Variants in POLDIP3 observed in about 807,000 individuals in gnomAD.
POLDIP3 encodes the protein DNA polymerase delta interacting protein 3, also known as polymerase delta-interacting protein 3.
A neutral mutation model predicts 45.1 loss-of-function variants in POLDIP3; 14 were observed. The observed-to-expected ratio is 0.31, with a 90% CI of 0.20 to 0.49. POLDIP3 has a LOEUF of 0.49. Ranked by LOEUF, POLDIP3 falls within the 20% of genes least tolerant of loss-of-function variation. POLDIP3 has a pLI of 0.99. For missense variants in POLDIP3, 511 were observed against 538.8 expected, an observed-to-expected ratio of 0.95 and a Z score of 0.51; for synonymous variants, 223 against 205.2, an observed-to-expected ratio of 1.09 and a Z score of -0.74.
chr22:42,585,146 G>C lies in POLDIP3; in HGVS notation c.*645C>G, dbSNP rs1449981317. 2.2e-6 allele frequency: 1 copy of C among 445,956 alleles called. No homozygotes were observed. Among genetic ancestry groups the C allele is most frequent in the Non-Finnish European group, 4.5e-6 (1 of 222,548 alleles). The allele number at this position is 445,956 out of a possible 1,614,324, so 27.6% of individuals were successfully genotyped here. ...CTTCCTCTGGGTGGAGACGACACGGGACTCCAAGCCAAGAGCTTAGATAGA... is the reference window on the plus strand; with the variant it reads ...CTTCCTCTGGGTGGAGACGACACGGCACTCCAAGCCAAGAGCTTAGATAGA... On this transcript the variant is annotated 3_prime_UTR_variant, in exon 9 of 9. Coordinates refer to ENST00000252115, the MANE Select transcript of POLDIP3 (RefSeq NM_032311.5).
intron 1 of POLDIP3, among the ~76,000 whole-genome samples, chr22:42,607,704 G>A (rs2146832423): frequency 6.6e-6 from 1 of 151,104 alleles, no homozygotes; most frequent in South Asian, 2.1e-4. Context: ...GATGTGGGGA[G>A]AGCCTCTGCC....
chr22:42,589,733 A>G (rs1198921953), intron 7 of POLDIP3, among the ~76,000 whole-genome samples: 2 of 151,942 alleles, frequency 1.3e-5, no homozygotes, highest in Non-Finnish European at 2.9e-5. Flanking sequence ...AATCCCAGCT[A>G]CTTGGGAGGC....
intron 1 of POLDIP3, among the ~76,000 whole-genome samples, chr22:42,604,283 T>G (rs1314721714): frequency 6.6e-6 from 1 of 152,022 alleles, no homozygotes; most frequent in African/African-American, 2.4e-5. Context: ...CTACCCTGGG[T>G]GGGGCGGGGG....
intron 1 of POLDIP3, among the ~76,000 whole-genome samples, chr22:42,608,349 G>A (rs1176188366): frequency 2.7e-5 from 4 of 149,046 alleles, no homozygotes; most frequent in African/African-American, 7.6e-5. Flanking sequence ...ACTAAGCCCA[G>A]GAGGTCCAGG....
At position 42,592,962 on chromosome 22, in the gene POLDIP3, G is replaced by A. The variant is rs149588973; in HGVS notation, c.892-878C>T. Among the ~76,000 whole-genome samples the A allele has an allele frequency of 2.4e-3, 361 of 152,292 alleles. 2 individuals are homozygous for A. Among genetic ancestry groups the A allele is most frequent in the African/African-American group, 8.1e-3 (337 of 41,568 alleles). On this transcript the variant is annotated intron_variant, in intron 6 of 8. Coordinates refer to ENST00000252115, the MANE Select transcript of POLDIP3 (RefSeq NM_032311.5). ...GTCCTTGACATGGTTTGTTTTTAAT[G>A]GTAAATATCAAAACAAGATGCCCCT...
At chr22:42,586,340 G>GT (rs137089) in intron 8 of POLDIP3, among the ~76,000 whole-genome samples, 48,426 of 151,724 alleles carry the variant, frequency 0.32, 10,309 homozygotes, top group East Asian at 0.69. Flanking sequence ...GTTTTGTGGG[G>GT]TTTTTTTGAG....
At chr22:42,597,733 G>C (rs1221106022) in intron 4 of POLDIP3, 1 of 470,692 alleles carries the variant, frequency 2.1e-6, no homozygotes, top group Admixed American at 2.4e-5. Context: ...GGAAAGGCCT[G>C]GTCCCTTTGT....
At position 42,614,837 on chromosome 22, in the gene POLDIP3, G is replaced by A. The variant is rs377648186; in HGVS notation, c.21C>T (p.Asp7=). 1 of 1,613,896 alleles carries A rather than the reference G, an allele frequency of 6.2e-7. No individual in the cohort carries two copies. Residue 7 remains aspartate (D), a synonymous_variant, in exon 1 of 9, where the codon GAC becomes GAT. Transcript: ENST00000252115. The stretch of plus-strand genomic sequence containing the variant: ...CCGCCCCGCGCTTCCTGATGAGTTC[G>A]TCCAGGGAGATGTCCGCCATCTTGC... MADISL[D]ELIRKRGAAA... is the part of the protein sequence containing the mutation.
chr22:42,585,339 G>A lies in POLDIP3; in HGVS notation c.*452C>T, dbSNP rs756447978. On this transcript the variant is annotated 3_prime_UTR_variant, in exon 9 of 9. Coordinates refer to ENST00000252115, the MANE Select transcript of POLDIP3 (RefSeq NM_032311.5). ...GACCTGGCTCCCGTCAGGACACCAG[G>A]GCTCTCCATCCCCTCCATTGTTTGA... 2.5e-5 allele frequency: 12 copies of A among 472,202 alleles called. No individual in the cohort carries two copies. The highest frequency in any genetic ancestry group is 1.8e-4 in the South Asian group (12 of 65,442). 29.3% of individuals were successfully genotyped at this position (472,202 alleles called of 1,614,324 possible).
At chr22:42,600,576 A>C (rs1283318407) in intron 3 of POLDIP3, among the ~76,000 whole-genome samples, 2 of 151,696 alleles carry the variant, frequency 1.3e-5, no homozygotes, top group Non-Finnish European at 2.9e-5. Flanking sequence ...CAGTGAGCCG[A>C]GATCGTGCCA....
chr22:42,603,128 C>T lies in POLDIP3; in HGVS notation c.92G>A (p.Arg31Gln), dbSNP rs770048284. 1.5e-5 allele frequency: 25 copies of T among 1,613,912 alleles called. No homozygotes were observed. The highest frequency in any genetic ancestry group is 6.7e-5 in the African/African-American group (5 of 74,864). ...GCCTTGCTGGATCCCAACTCGAGAT[C>T]GGACACCTCCAACTCCCGGTCTGGC... ...LNARPGVGGV[R>Q]SRVGIQQGLL... Residue 31 changes from arginine (R) to glutamine (Q), a missense_variant, in exon 2 of 9, where the codon CGA becomes CAA. Around this residue, in one of 4 missense-constraint regions of POLDIP3, gnomAD observed 378 missense variants for 352.3 expected, o/e 1.07. Transcript: ENST00000252115.
At chr22:42,589,588 T>A (rs1925541595) in intron 7 of POLDIP3, among the ~76,000 whole-genome samples, 1 of 151,968 alleles carries the variant, frequency 6.6e-6, no homozygotes, top group Non-Finnish European at 1.5e-5. Context: ...GGTGGACGGA[T>A]CACTTGAGGT....
Position 42,596,443 on chromosome 22 carries a change from G to C in POLDIP3, c.634-78C>G. 7 of 1,408,950 alleles carry C rather than the reference G, an allele frequency of 5.0e-6. 1 individual carries two copies. The Admixed American group carries it at 1.5e-4, about 30-fold the overall frequency. The allele number at this position is 1,408,950 out of a possible 1,614,324, so 87.3% of individuals were successfully genotyped here. On this transcript the variant is annotated intron_variant, in intron 4 of 8. Transcript: ENST00000252115. ...AGAAGCCCCAAGAGGTTGACAACTT[G>C]CTGAGAGCATGAACCCTCGATGCCT... is the stretch of plus-strand genomic sequence containing the variant.
intron 3 of POLDIP3, among the ~76,000 whole-genome samples, chr22:42,600,934 T>A (rs1429372893): frequency 6.6e-6 from 1 of 151,558 alleles, no homozygotes; most frequent in African/African-American, 2.4e-5. Flanking sequence ...CAAGACTCCA[T>A]CTCTACAAAA....
chr22:42,591,228 C>G (rs1045809397), intron 7 of POLDIP3, among the ~76,000 whole-genome samples: 1 of 151,752 alleles, frequency 6.6e-6, no homozygotes, highest in Non-Finnish European at 1.5e-5. Context: ...TAATGACATA[C>G]AAATGGCCAA....
At chr22:42,613,502 G>A (rs541288990) in intron 1 of POLDIP3, among the ~76,000 whole-genome samples, 27 of 152,328 alleles carry the variant, frequency 1.8e-4, no homozygotes, top group African/African-American at 6.0e-4. Context: ...GCTCACGCCT[G>A]TAATCCCAGC....
At chr22:42,603,764 G>A (rs908319309) in intron 1 of POLDIP3, 4 of 152,268 alleles carry the variant, frequency 2.6e-5, no homozygotes, top group African/African-American at 7.2e-5. Flanking sequence ...TGGTAGGAAA[G>A]AAAGAAAAAA....
intron 1 of POLDIP3, among the ~76,000 whole-genome samples, chr22:42,610,451 C>T (rs545993972): frequency 6.6e-6 from 1 of 152,298 alleles, no homozygotes; most frequent in Admixed American, 6.5e-5. Flanking sequence ...AGGCGTCTGG[C>T]CCAGAGAGCT....
At position 42,605,789 on chromosome 22, in the gene POLDIP3, T is replaced by C. The variant is rs1345261349; in HGVS notation, c.60-2629A>G. 2.0e-5 allele frequency among the ~76,000 whole-genome samples: 3 copies of C among 152,218 alleles called. No homozygotes were observed. In the East Asian group the frequency reaches 5.8e-4, roughly 29 times the overall value. On this transcript the variant is annotated intron_variant, in intron 1 of 8. Transcript: ENST00000252115. ...TAGGACTGGGCTACCCTAGGCTTCG[T>C]GTTCCATGGCCTACAAAGCCATAGA...
Sources: allele counts gnomAD v4.1 joint callset (sites outside exome capture counted in the v4.1 genomes callset), GRCh38; gene constraint gnomAD v4.1.1; regional missense constraint gnomAD v4.1.1; transcripts MANE v1.5; gene names NCBI Gene and HGNC (gene_info 2026-07-23, HGNC 2026-07-21).